Variants in MARCHF10 observed in about 807,000 individuals in gnomAD.
MARCHF10 encodes probable E3 ubiquitin-protein ligase MARCHF10.
Under a neutral mutation model 76.2 loss-of-function variants are expected in MARCHF10, and 64 were observed. The observed-to-expected ratio is 0.84, with a 90% CI of 0.69 to 1.03. The LOEUF is 1.03. MARCHF10 is among the 50% of genes least tolerant of loss of function. The pLI, the probability that MARCHF10 is intolerant of heterozygous loss-of-function variation, is 0.00. For synonymous variants in MARCHF10, 340 were observed against 357.5 expected, an observed-to-expected ratio of 0.95 and a Z score of 0.55; for missense variants, 875 against 958.0, an observed-to-expected ratio of 0.91 and a Z score of 1.14.
Position 62,801,878 on chromosome 17 carries a change from A to C in MARCHF10, c.-17-126T>G, listed in dbSNP as rs544483531. On this transcript the variant is annotated intron_variant, in intron 1 of 10. Coordinates refer to ENST00000311269, the MANE Select transcript of MARCHF10 (RefSeq NM_152598.4). ...CTAATTTCCCTTGTTTGAAAGGCAC[A>C]GATGCTCCTTTCAAGCTGAAGGGAC... 1.1e-5 allele frequency: 8 copies of C among 721,122 alleles called. No homozygotes were observed. The South Asian group carries it at 1.3e-4, about 12-fold the overall frequency. 44.7% of individuals were successfully genotyped at this position (721,122 alleles called of 1,614,324 possible).
In MARCHF10 at chr17:62,801,767, T is replaced by C. The variant is rs1219118632; in HGVS notation, c.-17-15A>G. On this transcript the variant is annotated splice_polypyrimidine_tract_variant and intron_variant, in intron 1 of 10. Transcript: ENST00000311269. The stretch of plus-strand genomic sequence containing the variant: ...TAATCCCTGACCTGCACAGAAAAGA[T>C]AAACAAATGTGCTGTGTTAGAGTCC... The C allele has an allele frequency of 1.1e-5, 17 of 1,560,782 alleles. No homozygotes were observed. The highest frequency in any genetic ancestry group is 1.3e-5 in the Non-Finnish European group (15 of 1,131,438).
At chr17:62,790,974 T>A (rs2092832019) in intron 2 of MARCHF10, among the ~76,000 whole-genome samples, 1 of 152,210 alleles carries the variant, frequency 6.6e-6, no homozygotes, top group Non-Finnish European at 1.5e-5. Context: ...AGGGACAACA[T>A]CTGTCCCACA....
intron 3 of MARCHF10, among the ~76,000 whole-genome samples, chr17:62,771,087 C>T (rs898076539): frequency 4.2e-4 from 64 of 152,062 alleles, no homozygotes; most frequent in African/African-American, 1.5e-3. Context: ...GATCTCCTGA[C>T]CTCATGATCC....
rs73335792 is a variant in MARCHF10 at position 62,803,050 on chromosome 17, G to T, written c.-17-1298C>A. On this transcript the variant is annotated intron_variant, in intron 1 of 10. Coordinates refer to ENST00000311269, the MANE Select transcript of MARCHF10 (RefSeq NM_152598.4). ...TAACTCACTGGGTATAGTGGCTCAC[G>T]CCTCCCGAGGTGAATCACTTGAGCC... 3.4e-3 allele frequency among the ~76,000 whole-genome samples: 521 copies of T among 152,252 alleles called. 1 individual carries two copies. The highest frequency in any genetic ancestry group is 0.012 in the African/African-American group (493 of 41,542).
chr17:62,705,457 G>T, intron 10 of MARCHF10, 82 bp downstream of exon 10: 1 of 1,612,828 alleles, frequency 6.2e-7, no homozygotes, highest in Non-Finnish European at 8.5e-7. Context: ...TTCCTTCCAT[G>T]GCATTTGGTT....
chr17:62,795,386 A>AAGC (rs766556335), intron 2 of MARCHF10, among the ~76,000 whole-genome samples: 1 of 130,984 alleles, frequency 7.6e-6, no homozygotes. Flanking sequence ...AAAAAAAAAG[A>AAGC]AGCTAGGCAG....
chr17:62,737,356 A>G, intron 5 of MARCHF10, 24 bp from the exon 6 acceptor site: 1 of 1,592,026 alleles, frequency 6.3e-7, no homozygotes, highest in Non-Finnish European at 8.5e-7. Flanking sequence ...AGACACATTT[A>G]TCGTTCCAGT....
At chr17:62,752,037 AAAG>A (rs1273970205) in intron 4 of MARCHF10, among the ~76,000 whole-genome samples, 2 of 151,926 alleles carry the variant, frequency 1.3e-5, no homozygotes, top group Non-Finnish European at 2.9e-5. Flanking sequence ...AAAAAAAAAA[AAAG>A]AAGAAAAGAA....
chr17:62,709,609 T>C (rs1359168476), intron 9 of MARCHF10, among the ~76,000 whole-genome samples: 1 of 152,220 alleles, frequency 6.6e-6, no homozygotes, highest in Non-Finnish European at 1.5e-5. Context: ...GAAGGAGGGC[T>C]TCTCTGCTGA....
intron 4 of MARCHF10, among the ~76,000 whole-genome samples, chr17:62,759,135 T>C (rs2092125631): frequency 6.6e-6 from 1 of 152,234 alleles, no homozygotes; most frequent in Non-Finnish European, 1.5e-5. Context: ...ACTTTATTAC[T>C]TTCTCTCTTG....
chr17:62,755,172 A>G (rs1311649029), intron 4 of MARCHF10, among the ~76,000 whole-genome samples: 1 of 152,218 alleles, frequency 6.6e-6, no homozygotes, highest in Non-Finnish European at 1.5e-5. Flanking sequence ...TTTGCTTTAA[A>G]GGGCAAGATT....
At chr17:62,734,828 A>G (rs2091193287) in intron 6 of MARCHF10, among the ~76,000 whole-genome samples, 2 of 152,220 alleles carry the variant, frequency 1.3e-5, no homozygotes, top group African/African-American at 4.8e-5. Flanking sequence ...CATGCCTGGA[A>G]GTGAATGCAT....
rs2090023452 is a variant in MARCHF10, at chr17:62,713,286, A to G, written c.2215-1942T>C. On this transcript the variant is annotated intron_variant, in intron 8 of 10. Transcript: ENST00000311269. Reference sequence around the variant, plus strand: ...TTTTATGCTTGAGACACCGGGATGCATGATGACAAATCAATCAGCTAGAAA... The same window carrying G: ...TTTTATGCTTGAGACACCGGGATGCGTGATGACAAATCAATCAGCTAGAAA... 2.6e-5 allele frequency among the ~76,000 whole-genome samples: 4 copies of G among 152,368 alleles called. No homozygotes were observed. In the South Asian group the frequency reaches 6.2e-4, roughly 24 times the overall value.
chr17:62,781,820 G>A (rs573022342), intron 3 of MARCHF10, among the ~76,000 whole-genome samples: 2 of 152,310 alleles, frequency 1.3e-5, no homozygotes, highest in South Asian at 4.1e-4. Context: ...AACAAGTGAT[G>A]AAAACTGCAA....
At chr17:62,704,621 G>C (rs915310129) in intron 10 of MARCHF10, among the ~76,000 whole-genome samples, 1 of 152,252 alleles carries the variant, frequency 6.6e-6, no homozygotes, top group Non-Finnish European at 1.5e-5. Flanking sequence ...CCCCGCAGTC[G>C]GCTGTGTCAG....
In MARCHF10 at chr17:62,788,543, C is replaced by T; in HGVS notation, c.147G>A (p.Gln49=). The T allele has an allele frequency of 6.2e-7, 1 of 1,614,164 alleles. No homozygotes were observed. The highest frequency in any genetic ancestry group is 1.1e-5 in the South Asian group (1 of 91,074). The change falls in exon 3 of 11, where the codon CAG becomes CAA. Residue 49 remains glutamine (Q), a synonymous_variant. Transcript: ENST00000311269. Reference sequence around the variant, plus strand: ...CAAAACTTGTCTCTTGCCCCCAAAACTGATCGCGTTTCTTCTCATTTGGGT... The same window carrying T: ...CAAAACTTGTCTCTTGCCCCCAAAATTGATCGCGTTTCTTCTCATTTGGGT... ...RRDPNEKKRD[Q]FWGQETSFER...
chr17:62,740,914 C>G (rs957664885), intron 5 of MARCHF10, among the ~76,000 whole-genome samples: 1 of 152,160 alleles, frequency 6.6e-6, no homozygotes, highest in Non-Finnish European at 1.5e-5. Context: ...AGGCATGACC[C>G]ACCGTGTCTG....
intron 7 of MARCHF10, among the ~76,000 whole-genome samples, chr17:62,723,362 C>T (rs532229448): frequency 6.6e-6 from 1 of 151,366 alleles, no homozygotes; most frequent in African/African-American, 2.4e-5. Context: ...TAATGATGTA[C>T]TGGTGTTTAT....
intron 5 of MARCHF10, among the ~76,000 whole-genome samples, chr17:62,743,446 G>A (rs1026503383): frequency 1.3e-5 from 2 of 152,168 alleles, no homozygotes; most frequent in Non-Finnish European, 2.9e-5. Context: ...CCAGGAGTTT[G>A]AGACGGGCCA....
Sources: allele counts gnomAD v4.1 joint callset (sites outside exome capture counted in the v4.1 genomes callset), GRCh38; gene constraint gnomAD v4.1.1; transcripts MANE v1.5; gene names NCBI Gene and HGNC (gene_info 2026-07-23, HGNC 2026-07-21).